Variants in LEKR1 observed in about 807,000 individuals in gnomAD.
LEKR1 encodes protein LEKR1.
A neutral mutation model predicts 72.4 loss-of-function variants in LEKR1; 59 were observed. The observed-to-expected ratio is 0.82, with a 90% confidence interval of 0.66 to 1.01. The LOEUF is 1.01. LEKR1 is among the 50% of genes least tolerant of loss of function. The pLI, the probability that LEKR1 is intolerant of heterozygous loss-of-function variation, is 0.00. For missense variants in LEKR1, 728 were observed against 759.2 expected, an observed-to-expected ratio of 0.96 and a Z score of 0.48; for synonymous variants, 257 against 263.2, an observed-to-expected ratio of 0.98 and a Z score of 0.23.
intron 2 of LEKR1, among the ~76,000 whole-genome samples, chr3:156,830,530 G>A (rs2108527389): frequency 6.6e-6 from 1 of 152,288 alleles, no homozygotes; most frequent in East Asian, 1.9e-4. Flanking sequence ...ATATATAAAG[G>A]AAATTTATGA....
intron 10 of LEKR1, among the ~76,000 whole-genome samples, chr3:157,015,344 A>G (rs534314707): frequency 5.8e-4 from 88 of 152,326 alleles, no homozygotes; most frequent in Non-Finnish European, 1.2e-3. Flanking sequence ...AATGACATAA[A>G]GCCAGCGACA....
intron 7 of LEKR1, among the ~76,000 whole-genome samples, chr3:156,986,610 C>T (rs1730710644): frequency 6.6e-6 from 1 of 152,150 alleles, no homozygotes; most frequent in Non-Finnish European, 1.5e-5. Context: ...CAGCAAAGTG[C>T]AGTGACTGAG....
At chr3:157,007,132 G>A (rs187834537) in intron 9 of LEKR1, among the ~76,000 whole-genome samples, 4 of 152,274 alleles carry the variant, frequency 2.6e-5, no homozygotes, top group Non-Finnish European at 4.4e-5. Context: ...AACCCGGGAG[G>A]CGGAGCTTGC....
chr3:157,033,340 A>T (rs1001433324), intron 12 of LEKR1, among the ~76,000 whole-genome samples: 1 of 152,226 alleles, frequency 6.6e-6, no homozygotes, highest in Non-Finnish European at 1.5e-5. Flanking sequence ...TTGTGAATGC[A>T]AAGGAAAAGT....
intron 3 of LEKR1, among the ~76,000 whole-genome samples, chr3:156,898,164 C>G (rs944424798): frequency 1.7e-4 from 26 of 152,242 alleles, no homozygotes; most frequent in African/African-American, 6.3e-4. Flanking sequence ...TTTTCCCCCA[C>G]AAAGGACAGC....
chr3:156,827,915 C>T (rs1711851136), intron 1 of LEKR1, among the ~76,000 whole-genome samples: 1 of 152,060 alleles, frequency 6.6e-6, no homozygotes, highest in African/African-American at 2.4e-5. Context: ...AAAATTCTCC[C>T]AATAGAGTTG....
At chr3:156,921,361 T>A (rs1386144299) in intron 4 of LEKR1, among the ~76,000 whole-genome samples, 5 of 128,564 alleles carry the variant, frequency 3.9e-5, no homozygotes. Flanking sequence ...TGGGTGAGTG[T>A]TTTGAATAAG....
intron 9 of LEKR1, among the ~76,000 whole-genome samples, chr3:157,005,425 T>C (rs988159392): frequency 2.2e-4 from 34 of 152,206 alleles, no homozygotes; most frequent in African/African-American, 7.9e-4. Context: ...GAAAATTGAA[T>C]AAGAAAGAAC....
At chr3:156,918,115 C>A (rs1200576317) in intron 3 of LEKR1, among the ~76,000 whole-genome samples, 1 of 152,050 alleles carries the variant, frequency 6.6e-6, no homozygotes, top group African/African-American at 2.4e-5. Flanking sequence ...GAAATATAAT[C>A]ATGGCATTAT....
At chr3:156,857,954 T>C (rs899703971) in intron 3 of LEKR1, among the ~76,000 whole-genome samples, 23 of 152,256 alleles carry the variant, frequency 1.5e-4, no homozygotes, top group African/African-American at 5.1e-4. Flanking sequence ...TTTTGTTCTT[T>C]GAAGATTTGG....
intron 3 of LEKR1, among the ~76,000 whole-genome samples, chr3:156,883,510 G>A (rs191885468): frequency 3.9e-4 from 59 of 152,292 alleles, no homozygotes; most frequent in Admixed American, 3.3e-3. Flanking sequence ...TGGTTTGTCT[G>A]TGTCCTCACC....
chr3:156,959,942 T>TC (rs1360008291), intron 6 of LEKR1, among the ~76,000 whole-genome samples: 3 of 151,954 alleles, frequency 2.0e-5, no homozygotes, highest in Admixed American at 6.6e-5. Context: ...GTACCTTTCA[T>TC]CCCCCCCACC....
chr3:156,837,718 C>A lies in LEKR1; in HGVS notation c.48+8341C>A, dbSNP rs895970858. 4.6e-5 allele frequency among the ~76,000 whole-genome samples: 7 copies of A among 152,296 alleles called. 1 individual carries two copies. In the Middle Eastern group the frequency reaches 0.017, roughly 373 times the overall value. On this transcript the variant is annotated intron_variant, in intron 2 of 12. Transcript: ENST00000356539. ...CAGCCTCAGACTAATCACACAAATC[C>A]TTTTTCCCATTAATCAGACTTTGCA...
At chr3:156,910,717 T>A (rs1384232367) in intron 3 of LEKR1, among the ~76,000 whole-genome samples, 1 of 152,254 alleles carries the variant, frequency 6.6e-6, no homozygotes, top group Non-Finnish European at 1.5e-5. Flanking sequence ...CCATAGTGTA[T>A]GTGTACCACA....
rs559037569 is a variant in LEKR1 at position 156,990,925 on chromosome 3, C to G, written c.828-1728C>G. Among the ~76,000 whole-genome samples, 8 of 152,184 alleles carry G rather than the reference C, an allele frequency of 5.3e-5. No individual in the cohort carries two copies. In the South Asian group the frequency reaches 1.7e-3, roughly 32 times the overall value. ...TCTGGGTTCTGAATCTGCTCATGTG[C>G]TACTTGATTGTAGTGATGGCTTCAT... On this transcript the variant is annotated intron_variant, in intron 7 of 12. Transcript: ENST00000356539.
intron 9 of LEKR1, among the ~76,000 whole-genome samples, chr3:156,996,986 A>G (rs1453999318): frequency 1.3e-5 from 2 of 151,924 alleles, no homozygotes; most frequent in Non-Finnish European, 2.9e-5. Flanking sequence ...AATCGTCTGA[A>G]CCTGGGAGGC....
chr3:156,996,242 C>A lies in LEKR1; in HGVS notation c.1109+2965C>A, dbSNP rs559703022. 3.9e-5 allele frequency among the ~76,000 whole-genome samples: 6 copies of A among 152,120 alleles called. No homozygotes were observed. In the East Asian group the frequency reaches 1.2e-3, roughly 29 times the overall value. ...GTAGTAAAAATTGATAGAAGAGGTG[C>A]CTGCTTTGGCTAGGGTGGTCATAAA... On this transcript the variant is annotated intron_variant, in intron 9 of 12. Transcript: ENST00000356539.
intron 3 of LEKR1, among the ~76,000 whole-genome samples, chr3:156,910,419 T>C (rs1722995002): frequency 6.6e-6 from 1 of 152,178 alleles, no homozygotes; most frequent in Non-Finnish European, 1.5e-5. Context: ...GGATAATGGT[T>C]TCCATAACAA....
At chr3:156,942,156 C>G (rs2107968606) in intron 5 of LEKR1, among the ~76,000 whole-genome samples, 1 of 152,022 alleles carries the variant, frequency 6.6e-6, no homozygotes, top group South Asian at 2.1e-4. Context: ...CATGCTAGAA[C>G]ATTTAAATTT....
Sources: gnomAD v4.1 joint callset for allele counts (sites outside exome capture counted in the v4.1 genomes callset) on GRCh38, gnomAD v4.1.1 for gene constraint, MANE v1.5 for transcripts, NCBI Gene and HGNC (gene_info 2026-07-23, HGNC 2026-07-21) for gene names.